The following SCN10A variants were observed in gnomAD, a reference collection of about 807,000 sequenced individuals.
SCN10A encodes the protein sodium voltage-gated channel alpha subunit 10.
In SCN10A, 162 loss-of-function variants were observed where a neutral mutation model predicts 170.7. That is an observed-to-expected ratio of 0.95 (90% CI 0.84 to 1.08). SCN10A has a LOEUF of 1.08. Ranked by LOEUF, SCN10A falls within the 50% of genes least tolerant of loss-of-function variation. The pLI is 0.00. For synonymous variants in SCN10A, 985 were observed against 904.6 expected (o/e 1.09, Z -1.59); for missense variants, 2,527 against 2,436.9 (o/e 1.04, Z -0.78).
chr3:38,726,819 A>G lies in SCN10A; in HGVS notation c.2874T>C (p.Ala958=), dbSNP rs776705318. 2.0e-5 allele frequency: 32 copies of G among 1,612,586 alleles called. No individual in the cohort carries two copies. In the Admixed American group the frequency reaches 5.2e-4, roughly 26 times the overall value. ...CAGTGTTGGCAGCAATGTGGTTCTC[A>G]GCCTTGGAGCTGGAGAGTGGGAGTT... The part of the protein sequence containing the change: ...VVKLPLSSSK[A]ENHIAANTAR... The change falls in exon 17 of 28, where the codon GCT becomes GCC. Residue 958 remains alanine (A), a synonymous_variant. Transcript: ENST00000449082.
chr3:38,762,571 A>G (rs2063886633), intron 6 of SCN10A, among the ~76,000 whole-genome samples: 1 of 152,050 alleles, frequency 6.6e-6, no homozygotes, highest in Non-Finnish European at 1.5e-5. Flanking sequence ...GCATGGTGAG[A>G]TGTGAGGAGA....
chr3:38,708,984 A>G (rs375119710), intron 25 of SCN10A, among the ~76,000 whole-genome samples: 1 of 152,328 alleles, frequency 6.6e-6, no homozygotes, highest in African/African-American at 2.4e-5. Context: ...TCTTATAAAC[A>G]TGAGAGGTTA....
chr3:38,698,380 G>C lies in SCN10A; in HGVS notation c.4840C>G (p.Leu1614Val). The change falls in exon 28 of 28, where the codon CTA becomes GTA. Residue 1614 changes from leucine to valine, a missense_variant. Leu to Val is a conservative substitution (Grantham distance 32, BLOSUM62 1). Coordinates refer to ENST00000449082, the MANE Select transcript of SCN10A (RefSeq NM_006514.4). ...LPALFNIGLL[L>V]FLVMFIYSIF... Reference sequence around the variant, plus strand: ...GAGTAGATGAACATGACAAGGAATAGCAACAGCCCGATGTTGAAGAGGGCA... The same window carrying C: ...GAGTAGATGAACATGACAAGGAATACCAACAGCCCGATGTTGAAGAGGGCA... 1 of 1,614,176 alleles carries C rather than the reference G, an allele frequency of 6.2e-7. No individual in the cohort carries two copies. The highest frequency in any genetic ancestry group is 8.5e-7 in the Non-Finnish European group (1 of 1,180,044).
intron 5 of SCN10A, among the ~76,000 whole-genome samples, chr3:38,764,652 G>A (rs1575161895): frequency 6.6e-6 from 1 of 152,114 alleles, no homozygotes; most frequent in Non-Finnish European, 1.5e-5. Flanking sequence ...TATTTTTGCA[G>A]TTGTAAACTG....
intron 1 of SCN10A, among the ~76,000 whole-genome samples, chr3:38,804,019 C>G (rs2064390878): frequency 6.6e-6 from 1 of 152,138 alleles, no homozygotes; most frequent in Middle Eastern, 3.2e-3. Flanking sequence ...CTTAACTTAT[C>G]TCACTGCTAG....
At chr3:38,804,468 G>T (rs1370161899) in intron 1 of SCN10A, among the ~76,000 whole-genome samples, 1 of 152,086 alleles carries the variant, frequency 6.6e-6, no homozygotes, top group African/African-American at 2.4e-5. Flanking sequence ...TGAAAGCATA[G>T]ATTTTGTCTA....
intron 1 of SCN10A, among the ~76,000 whole-genome samples, chr3:38,813,717 T>C (rs1430725472): frequency 1.3e-5 from 2 of 152,152 alleles, no homozygotes; most frequent in Non-Finnish European, 1.5e-5. Context: ...AAGCACAATA[T>C]ATAAATACCA....
intron 22 of SCN10A, among the ~76,000 whole-genome samples, chr3:38,713,012 A>G (rs1468924825): frequency 2.0e-5 from 3 of 152,260 alleles, no homozygotes; most frequent in Non-Finnish European, 4.4e-5. Flanking sequence ...TTTTGAAGCT[A>G]TGATGACTAC....
At position 38,771,379 on chromosome 3, in the gene SCN10A, C is replaced by G; in HGVS notation, c.499G>C (p.Glu167Gln). The change falls in exon 5 of 28, where the codon GAA becomes CAA. Residue 167 changes from glutamate to glutamine, a missense_variant. By Grantham distance (29) the Glu-to-Gln change is conservative. Transcript: ENST00000449082. Reference protein sequence around the residue: ...EYVFTVIYTFEALIKILARGF... With the variant: ...EYVFTVIYTFQALIKILARGF... ...CTTGCCAGTATCTTTATCAAGGCTT[C>G]AAAGGTGTAAATGACAGTGAAGACA... The G allele has an allele frequency of 6.2e-7, 1 of 1,614,054 alleles. No homozygotes were observed.
chr3:38,732,363 T>C (rs2063520846), intron 15 of SCN10A, among the ~76,000 whole-genome samples: 1 of 152,208 alleles, frequency 6.6e-6, no homozygotes, highest in South Asian at 2.1e-4. Context: ...TAACTGAAGA[T>C]GGTGACATCA....
Position 38,739,569 on chromosome 3 carries a change from T to A in SCN10A, c.2226A>T (p.Leu742=). ...TTCCCTTCTTGGCCACGCCCAGCTC[T>A]AGCAGACTCACAGTGACGATGATGC... ...FDCIIVTVSL[L]ELGVAKKGSL... The change falls in exon 15 of 28, where the codon CTA becomes CTT. Residue 742 remains leucine, a synonymous_variant. Coordinates refer to ENST00000449082, the MANE Select transcript of SCN10A (RefSeq NM_006514.4). 2.5e-6 allele frequency: 4 copies of A among 1,614,138 alleles called. No homozygotes were observed. The highest frequency in any genetic ancestry group is 3.4e-6 in the Non-Finnish European group (4 of 1,179,976).
intron 3 of SCN10A, among the ~76,000 whole-genome samples, chr3:38,790,777 A>G (rs2064271359): frequency 6.6e-6 from 1 of 152,080 alleles, no homozygotes; most frequent in Admixed American, 6.5e-5. Flanking sequence ...CATTATCTGT[A>G]AAATGGGGAT....
chr3:38,699,007 G>C (rs1479758564), intron 27 of SCN10A, among the ~76,000 whole-genome samples: 3 of 152,008 alleles, frequency 2.0e-5, no homozygotes, highest in Non-Finnish European at 2.9e-5. Flanking sequence ...CTCTGTGAAG[G>C]CCAGGACCCC....
At position 38,742,318 on chromosome 3, in the gene SCN10A, G is replaced by T; in HGVS notation, c.2079C>A (p.Phe693Leu). The T allele has an allele frequency of 6.2e-7, 1 of 1,613,854 alleles. No homozygotes were observed. The highest frequency in any genetic ancestry group is 8.5e-7 in the Non-Finnish European group (1 of 1,179,914). The change falls in exon 14 of 28, where the codon TTC becomes TTA. Residue 693 changes from phenylalanine (F) to leucine (L), a missense_variant. Coordinates refer to ENST00000449082, the MANE Select transcript of SCN10A (RefSeq NM_006514.4). ...TGTTGCCTATCTGGAGCATGGCTTC[G>T]AAGGTAGGGCTCATGCCATGGTGCT... The part of the protein sequence containing the change: ...AMEHHGMSPT[F>L]EAMLQIGNIV...
intron 11 of SCN10A, among the ~76,000 whole-genome samples, chr3:38,754,240 A>T (rs2063779147): frequency 6.6e-6 from 1 of 152,182 alleles, no homozygotes; most frequent in African/African-American, 2.4e-5. Context: ...GCCTTTTCTG[A>T]TACCTATCCA....
At chr3:38,763,237 C>A (rs1209404176) in intron 6 of SCN10A, among the ~76,000 whole-genome samples, 2 of 152,152 alleles carry the variant, frequency 1.3e-5, no homozygotes, top group African/African-American at 4.8e-5. Context: ...TGAAGACATG[C>A]CCCTCCTGTT....
chr3:38,705,739 T>C (rs2063203786), intron 26 of SCN10A, among the ~76,000 whole-genome samples: 1 of 152,064 alleles, frequency 6.6e-6, no homozygotes, highest in African/African-American at 2.4e-5. Context: ...AAAACTTTCA[T>C]GTTTTTGCCA....
intron 4 of SCN10A, among the ~76,000 whole-genome samples, chr3:38,777,403 A>G (rs759533284): frequency 2.0e-4 from 31 of 152,050 alleles, no homozygotes; most frequent in South Asian, 4.1e-4. Flanking sequence ...ATTGCAATGT[A>G]CCTAGGAAAA....
chr3:38,710,824 G>C lies in SCN10A; in HGVS notation c.4143+20C>G, dbSNP rs1369908034. On this transcript the variant is annotated intron_variant, in intron 24 of 27. Transcript: ENST00000449082. ...AATGCACAGAGGGGAAGGCTGTAGG[G>C]ACAGTGGGCTGAGACTCACCTCCCG... is the stretch of plus-strand genomic sequence containing the variant. 6.2e-7 allele frequency: 1 copy of C among 1,610,300 alleles called. No homozygotes were observed. The highest frequency in any genetic ancestry group is 1.1e-5 in the South Asian group (1 of 90,616).
Sources: allele counts gnomAD v4.1 joint callset (sites outside exome capture counted in the v4.1 genomes callset), GRCh38; gene constraint gnomAD v4.1.1; transcripts MANE v1.5; gene names NCBI Gene and HGNC (gene_info 2026-07-23, HGNC 2026-07-21).